The following RBPJ variants were observed in gnomAD, a reference collection of about 807,000 sequenced individuals.
RBPJ encodes the protein recombination signal binding protein for immunoglobulin kappa J region, also known as recombining binding protein suppressor of hairless.
Under a neutral mutation model 67.8 loss-of-function variants are expected in RBPJ, and 9 were observed. The observed-to-expected ratio is 0.13, with a 90% CI of 0.08 to 0.23. The LOEUF is 0.23. Among genes scored for constraint, RBPJ ranks in the 10% least tolerant of loss-of-function variants. RBPJ has a pLI of 1.00. For missense variants in RBPJ, 305 were observed against 595.6 expected (o/e 0.51, Z 5.08); for synonymous variants, 198 against 203.3 (o/e 0.97, Z 0.22).
chr4:26,231,117 C>G (rs997026206), intron 1 of RBPJ, among the ~76,000 whole-genome samples: 1 of 152,186 alleles, frequency 6.6e-6, no homozygotes, highest in African/African-American at 2.4e-5. Flanking sequence ...TTTACCAAGT[C>G]TGTTTATTCA....
chr4:26,121,815 C>T, the RBPJ span, among the ~76,000 whole-genome samples: 1 of 151,456 alleles, frequency 6.6e-6, no homozygotes, highest in Non-Finnish European at 1.5e-5. Flanking sequence ...ACGTCACACA[C>T]CCAGAAGCAA....
intron 3 of RBPJ, among the ~76,000 whole-genome samples, chr4:26,414,720 A>G (rs1050226302): frequency 6.6e-6 from 1 of 152,234 alleles, no homozygotes. Flanking sequence ...TTGCTAAATA[A>G]AAGATTATAA....
At chr4:26,388,919 A>C (rs1330165668) in intron 2 of RBPJ, among the ~76,000 whole-genome samples, 1 of 152,158 alleles carries the variant, frequency 6.6e-6, no homozygotes, top group Non-Finnish European at 1.5e-5. Flanking sequence ...AATTAGTGAA[A>C]ACTGTAAAAC....
chr4:26,137,482 C>T, the RBPJ span, among the ~76,000 whole-genome samples: 2 of 152,206 alleles, frequency 1.3e-5, no homozygotes, highest in Non-Finnish European at 2.9e-5. Flanking sequence ...GCCCTGCCAG[C>T]TGCTAGCTGC....
chr4:26,272,026 T>C (rs923946310), intron 1 of RBPJ, among the ~76,000 whole-genome samples: 3 of 152,192 alleles, frequency 2.0e-5, no homozygotes, highest in African/African-American at 7.2e-5. Flanking sequence ...CTCTTAAAAA[T>C]GTCTCCTGAC....
chr4:26,373,445 A>G (rs568172448), intron 1 of RBPJ, among the ~76,000 whole-genome samples: 12 of 152,280 alleles, frequency 7.9e-5, no homozygotes, highest in Admixed American at 2.0e-4. Flanking sequence ...GGTCTCTGTT[A>G]TTGAAAAGGA....
intron 1 of RBPJ, among the ~76,000 whole-genome samples, chr4:26,172,365 G>A (rs1187227717): frequency 6.6e-6 from 1 of 152,172 alleles, no homozygotes; most frequent in Non-Finnish European, 1.5e-5. Flanking sequence ...AGAGGCAGAG[G>A]AAGGGGAAAA....
chr4:26,215,035 AAGAG>A (rs140887631), intron 1 of RBPJ, among the ~76,000 whole-genome samples: 25,650 of 57,240 alleles, frequency 0.45, 8,478 homozygotes, highest in East Asian at 0.92. Context: ...AAAGAAAAGA[AAGAG>A]GGAGGGAGGG....
intron 1 of RBPJ, among the ~76,000 whole-genome samples, chr4:26,167,031 T>C (rs1303904068): frequency 3.3e-5 from 5 of 152,208 alleles, no homozygotes; most frequent in South Asian, 2.1e-4. Flanking sequence ...GTTGTAGATA[T>C]GTGGCATTAT....
rs577032666 is a variant in RBPJ, at chr4:26,185,159, A to G, written c.-167+21545A>G. On this transcript the variant is annotated intron_variant, in intron 1 of 4. Coordinates refer to the RBPJ transcript ENST00000512351. ...TCTGTCTAAAAAAAAAAAAAAAGAA[A>G]AGATAGTTATGTTGTTTTGCATCAA... 2.3e-3 allele frequency among the ~76,000 whole-genome samples: 348 copies of G among 151,408 alleles called. 1 individual carries two copies. The highest frequency in any genetic ancestry group is 7.9e-3 in the African/African-American group (326 of 41,250).
At chr4:26,245,302 G>A (rs946230199) in intron 1 of RBPJ, among the ~76,000 whole-genome samples, 4 of 146,188 alleles carry the variant, frequency 2.7e-5, no homozygotes, top group Non-Finnish European at 4.5e-5. Context: ...TCCACCTCCC[G>A]GGTTCAAGCA....
At chr4:26,109,784 C>T in the RBPJ span, among the ~76,000 whole-genome samples, 162 of 146,694 alleles carry the variant, frequency 1.1e-3, 1 homozygote, top group African/African-American at 3.9e-3. Context: ...TTAAAAAAAA[C>T]GATTAAAGTT....
intron 1 of RBPJ, among the ~76,000 whole-genome samples, chr4:26,274,375 C>T (rs1395868662): frequency 6.6e-6 from 1 of 152,216 alleles, no homozygotes; most frequent in African/African-American, 2.4e-5. Flanking sequence ...CCCTTGTAAT[C>T]ACAGCAGTCC....
At chr4:26,137,973 A>G in the RBPJ span, among the ~76,000 whole-genome samples, 5 of 152,208 alleles carry the variant, frequency 3.3e-5, no homozygotes, top group Admixed American at 3.3e-4. Flanking sequence ...AGTCTGAACC[A>G]ATGAGGGAGT....
In RBPJ at chr4:26,222,385, C is replaced by T. The variant is rs560092916; in HGVS notation, c.-167+58771C>T. ...TGGCGGCCGCCTATAATCCCAGCTA[C>T]TCAGGAGGCTGAGGCAGGAGAATGG... On this transcript the variant is annotated intron_variant, in intron 1 of 4. Coordinates refer to the RBPJ transcript ENST00000512351. Among the ~76,000 whole-genome samples, 406 of 151,160 alleles carry T rather than the reference C, an allele frequency of 2.7e-3. 2 individuals carry two copies. The highest frequency in any genetic ancestry group is 9.5e-3 in the African/African-American group (389 of 41,104).
intron 2 of RBPJ, among the ~76,000 whole-genome samples, chr4:26,394,995 T>C (rs1015067935): frequency 2.0e-5 from 3 of 152,238 alleles, no homozygotes; most frequent in African/African-American, 4.8e-5. Flanking sequence ...CTAACACTTT[T>C]TGCAAAGCCC....
chr4:26,214,197 GAAGGAAGGAGAGAAAGAAAGCA>G (rs535343291), intron 1 of RBPJ, among the ~76,000 whole-genome samples: 8 of 149,030 alleles, frequency 5.4e-5, no homozygotes, highest in Admixed American at 2.0e-4. Flanking sequence ...GAAAGAAAAG[GAAGGAAGGAGAGAAAGAAAGCA>G]AAGGAAGGAG....
chr4:26,262,159 G>T (rs759901135), intron 1 of RBPJ, among the ~76,000 whole-genome samples: 22 of 152,136 alleles, frequency 1.4e-4, no homozygotes, highest in Admixed American at 1.3e-4. Context: ...TGCCCAGGCT[G>T]GTCTTGAACC....
the RBPJ span, among the ~76,000 whole-genome samples, chr4:26,141,365 C>G: frequency 6.6e-6 from 1 of 152,210 alleles, no homozygotes; most frequent in African/African-American, 2.4e-5. Flanking sequence ...ACTTCCTACC[C>G]CACTCCTGCG....
Sources: gnomAD v4.1 joint callset for allele counts (sites outside exome capture counted in the v4.1 genomes callset) on GRCh38, gnomAD v4.1.1 for gene constraint, MANE v1.5 for transcripts, NCBI Gene and HGNC (gene_info 2026-07-23, HGNC 2026-07-21) for gene names.